The following CAMK2D variants were observed in gnomAD, a reference collection of about 807,000 sequenced individuals.
CAMK2D encodes the protein calcium/calmodulin-dependent protein kinase type II subunit delta.
In CAMK2D, 37 loss-of-function variants were observed where a neutral mutation model predicts 84.0. The ratio of observed to expected loss-of-function variants is 0.44; its 90% CI spans 0.34 to 0.58. CAMK2D has a LOEUF of 0.58. Ranked by LOEUF, CAMK2D falls within the 20% of genes least tolerant of loss-of-function variation. CAMK2D has a pLI of 0.02. For synonymous variants in CAMK2D, 202 were observed against 212.5 expected (o/e 0.95, Z 0.43); for missense variants, 448 against 652.5 (o/e 0.69, Z 3.41).
chr4:113,641,086 C>G (rs1039868874), intron 3 of CAMK2D, among the ~76,000 whole-genome samples: 1 of 152,174 alleles, frequency 6.6e-6, no homozygotes, highest in Non-Finnish European at 1.5e-5. Context: ...ACTTCTCTTA[C>G]AGGAAGAAAG....
intron 2 of CAMK2D, among the ~76,000 whole-genome samples, chr4:113,733,457 T>C (rs1593794995): frequency 6.6e-6 from 1 of 152,312 alleles, no homozygotes; most frequent in Non-Finnish European, 1.5e-5. Flanking sequence ...CCTTTTTTAA[T>C]TGCTAAACTG....
chr4:113,735,550 T>C (rs983517489), intron 2 of CAMK2D, among the ~76,000 whole-genome samples: 2 of 152,262 alleles, frequency 1.3e-5, no homozygotes, highest in South Asian at 2.1e-4. Flanking sequence ...AAAGTATATA[T>C]GGTGCTTTAT....
intron 2 of CAMK2D, among the ~76,000 whole-genome samples, chr4:113,672,035 T>C (rs946395379): frequency 6.6e-6 from 1 of 152,188 alleles, no homozygotes; most frequent in Non-Finnish European, 1.5e-5. Flanking sequence ...GCATGTTCCT[T>C]GTTATGCTTA....
chr4:113,578,382 A>G (rs1226761980), intron 4 of CAMK2D, among the ~76,000 whole-genome samples: 1 of 152,206 alleles, frequency 6.6e-6, no homozygotes, highest in Non-Finnish European at 1.5e-5. Context: ...TCAGTTGTAT[A>G]GCTCTAGAAT....
chr4:113,547,780 C>T, intron 5 of CAMK2D, 64 bp from the exon 6 acceptor site: 1 of 1,044,050 alleles, frequency 9.6e-7, no homozygotes, highest in South Asian at 1.5e-5. Flanking sequence ...TGTATACCCT[C>T]AGAGAGACTG....
intron 6 of CAMK2D, among the ~76,000 whole-genome samples, chr4:113,546,211 T>C (rs909668652): frequency 6.6e-6 from 1 of 152,222 alleles, no homozygotes; most frequent in African/African-American, 2.4e-5. Flanking sequence ...TTCATATATG[T>C]TCACTTAAAA....
chr4:113,572,654 A>C (rs2098759284), intron 4 of CAMK2D, among the ~76,000 whole-genome samples: 1 of 152,184 alleles, frequency 6.6e-6, no homozygotes, highest in Admixed American at 6.5e-5. Context: ...GAGATTGGGG[A>C]GAAAGAGAAA....
At position 113,647,485 on chromosome 4, in the gene CAMK2D, A is replaced by G. The variant is rs776555501; in HGVS notation, c.220+14228T>C. Among the ~76,000 whole-genome samples the G allele has an allele frequency of 2.2e-4, 33 of 152,242 alleles. 1 individual carries two copies. Among genetic ancestry groups the G allele is most frequent in the Non-Finnish European group, 4.1e-4 (28 of 68,044 alleles). On this transcript the variant is annotated intron_variant, in intron 3 of 20. Coordinates refer to ENST00000511664, the MANE Select transcript of CAMK2D (RefSeq NM_001321571.2). ...GTTGTAATTGTAACTCTTACTTTAA[A>G]TCACTGAGTTCCTCAATATTAGTAC...
intron 13 of CAMK2D, among the ~76,000 whole-genome samples, chr4:113,508,538 A>T (rs1425944099): frequency 6.6e-6 from 1 of 152,216 alleles, no homozygotes; most frequent in African/African-American, 2.4e-5. Context: ...CATTTCTACT[A>T]TTGTAACATT....
chr4:113,666,164 T>C (rs775505501), intron 2 of CAMK2D, among the ~76,000 whole-genome samples: 6 of 152,176 alleles, frequency 3.9e-5, no homozygotes, highest in South Asian at 2.1e-4. Flanking sequence ...CACTCAACGA[T>C]AGAAATATCA....
At chr4:113,592,016 T>C (rs930216960) in intron 4 of CAMK2D, among the ~76,000 whole-genome samples, 1 of 152,182 alleles carries the variant, frequency 6.6e-6, no homozygotes, top group Non-Finnish European at 1.5e-5. Flanking sequence ...TTAGCAAAGT[T>C]CTTTGCATAT....
chr4:113,494,175 G>C (rs547420812), intron 16 of CAMK2D, among the ~76,000 whole-genome samples: 3 of 152,344 alleles, frequency 2.0e-5, no homozygotes, highest in Non-Finnish European at 4.4e-5. Flanking sequence ...TTGTTCCGTT[G>C]CTGGTGAGGA....
At chr4:113,571,207 C>T (rs1295972010) in intron 4 of CAMK2D, among the ~76,000 whole-genome samples, 4 of 152,166 alleles carry the variant, frequency 2.6e-5, no homozygotes, top group African/African-American at 4.8e-5. Flanking sequence ...TAAATTACTA[C>T]AGCCATTATG....
rs534169049 is a variant in CAMK2D, at chr4:113,468,877, G to A, written c.1136-3273C>T. Among the ~76,000 whole-genome samples, 20 of 152,240 alleles carry A rather than the reference G, an allele frequency of 1.3e-4. No individual in the cohort carries two copies. The South Asian group carries it at 3.9e-3, about 30-fold the overall frequency. On this transcript the variant is annotated intron_variant, in intron 16 of 20. Coordinates refer to ENST00000511664, the MANE Select transcript of CAMK2D (RefSeq NM_001321571.2). ...CCACTCCAGAGCTAGCCATTTAATC[G>A]CAGGAAGCTGTTTACCTACTAGGTT... is the stretch of plus-strand genomic sequence containing the variant.
At chr4:113,674,938 AC>A (rs2099312062) in intron 2 of CAMK2D, among the ~76,000 whole-genome samples, 1 of 152,116 alleles carries the variant, frequency 6.6e-6, no homozygotes, top group Non-Finnish European at 1.5e-5. Context: ...CTGCCAAGTG[AC>A]CTGGAAATAA....
chr4:113,692,716 AT>A (rs2099391547), intron 2 of CAMK2D, among the ~76,000 whole-genome samples: 1 of 152,012 alleles, frequency 6.6e-6, no homozygotes, highest in African/African-American at 2.4e-5. Flanking sequence ...ATATTCATAT[AT>A]ACATACATAT....
chr4:113,700,167 G>T (rs2099413756), intron 2 of CAMK2D, among the ~76,000 whole-genome samples: 2 of 152,084 alleles, frequency 1.3e-5, no homozygotes, highest in South Asian at 2.1e-4. Flanking sequence ...AAGAAAACCT[G>T]CTAACTTTAA....
intron 19 of CAMK2D, 125 bp downstream of exon 19, chr4:113,457,207 TTTA>T (rs1564364981): frequency 6.9e-7 from 1 of 1,450,700 alleles, no homozygotes; most frequent in Non-Finnish European, 9.0e-7. Context: ...CGTGAAGGCA[TTTA>T]TTTTCATCAG....
intron 3 of CAMK2D, among the ~76,000 whole-genome samples, chr4:113,612,836 G>A (rs1469698083): frequency 6.6e-6 from 1 of 152,090 alleles, no homozygotes; most frequent in Non-Finnish European, 1.5e-5. Flanking sequence ...TGCTTCTGAG[G>A]CTAAAAATAG....
Sources: gnomAD v4.1 joint callset for allele counts (sites outside exome capture counted in the v4.1 genomes callset) on GRCh38, gnomAD v4.1.1 for gene constraint, MANE v1.5 for transcripts, NCBI Gene and HGNC (gene_info 2026-07-23, HGNC 2026-07-21) for gene names.